INSC: variants seen among roughly 807,000 people sequenced by gnomAD.
INSC encodes protein inscuteable homolog.
INSC carries 67 observed loss-of-function variants against 58.6 expected under a neutral mutation model. That is an observed-to-expected ratio of 1.14 (90% confidence interval 0.94 to 1.40). INSC has a LOEUF of 1.40. Ranked by LOEUF, INSC falls within the 40% of genes most tolerant of loss-of-function variation. The pLI, the probability that INSC is intolerant of heterozygous loss-of-function variation, is 0.00. For synonymous variants in INSC, 262 were observed against 276.1 expected, an observed-to-expected ratio of 0.95 and a Z score of 0.51; for missense variants, 714 against 692.0, an observed-to-expected ratio of 1.03 and a Z score of -0.36.
intron 9 of INSC, among the ~76,000 whole-genome samples, chr11:15,227,549 G>A (rs114729865): frequency 0.01 from 1,531 of 152,292 alleles, 19 homozygotes; most frequent in African/African-American, 0.035. Context: ...TGTATGATAT[G>A]TATGATTCCA....
At chr11:15,244,786 C>T (rs574560286) in intron 12 of INSC, among the ~76,000 whole-genome samples, 1 of 152,254 alleles carries the variant, frequency 6.6e-6, no homozygotes, top group Admixed American at 6.5e-5. Context: ...TAGATATTCC[C>T]CCACTCTTTT....
intron 5 of INSC, among the ~76,000 whole-genome samples, chr11:15,179,615 G>A (rs1214921937): frequency 3.9e-5 from 6 of 152,064 alleles, no homozygotes; most frequent in Non-Finnish European, 5.9e-5. Context: ...TATCACCCCC[G>A]ACCCCAACAA....
intron 1 of INSC, among the ~76,000 whole-genome samples, chr11:15,138,502 G>A (rs1219744225): frequency 6.6e-6 from 1 of 152,244 alleles, no homozygotes; most frequent in Non-Finnish European, 1.5e-5. Context: ...CTGAGCCACA[G>A]CAATCTCTAT....
chr11:15,152,759 A>G (rs755553914), intron 2 of INSC, among the ~76,000 whole-genome samples: 4 of 152,204 alleles, frequency 2.6e-5, no homozygotes, highest in Non-Finnish European at 5.9e-5. Flanking sequence ...AGGGCCTGAA[A>G]GCTGAAGGCT....
chr11:15,229,769 A>G (rs1271645574), intron 9 of INSC, among the ~76,000 whole-genome samples: 4 of 150,662 alleles, frequency 2.7e-5, no homozygotes, highest in African/African-American at 9.8e-5. Flanking sequence ...GTATTGGTCT[A>G]TTCTCACATT....
At chr11:15,207,571 G>T (rs1053442145) in intron 7 of INSC, among the ~76,000 whole-genome samples, 23 of 152,196 alleles carry the variant, frequency 1.5e-4, no homozygotes, top group African/African-American at 5.3e-4. Flanking sequence ...GGCTGGAAGA[G>T]AGATGAAGAC....
chr11:15,239,359 A>G (rs918065824), intron 11 of INSC, among the ~76,000 whole-genome samples: 5 of 152,162 alleles, frequency 3.3e-5, no homozygotes, highest in Non-Finnish European at 7.3e-5. Context: ...TCACTCATTC[A>G]TTTATTCACT....
intron 12 of INSC, among the ~76,000 whole-genome samples, chr11:15,244,288 G>T (rs1193118540): frequency 6.6e-6 from 1 of 152,140 alleles, no homozygotes; most frequent in Non-Finnish European, 1.5e-5. Context: ...CACGCCCCAT[G>T]AGAGTCGAGA....
intron 7 of INSC, among the ~76,000 whole-genome samples, chr11:15,214,332 C>T (rs1851134956): frequency 6.6e-6 from 1 of 152,330 alleles, no homozygotes; most frequent in East Asian, 1.9e-4. Context: ...CTAGGTCACT[C>T]TCCTGCTCCT....
At chr11:15,231,154 T>G (rs1394481338) in intron 9 of INSC, among the ~76,000 whole-genome samples, 1 of 152,170 alleles carries the variant, frequency 6.6e-6, no homozygotes, top group African/African-American at 2.4e-5. Flanking sequence ...GAAAAGAAAG[T>G]ATTTTCAAAG....
intron 9 of INSC, among the ~76,000 whole-genome samples, chr11:15,227,090 GA>G (rs1452657934): frequency 4.6e-5 from 7 of 152,234 alleles, no homozygotes; most frequent in Non-Finnish European, 1.0e-4. Context: ...TTATAGATAA[GA>G]ATATTTTGGC....
At chr11:15,220,544 A>G (rs1851398579) in intron 7 of INSC, among the ~76,000 whole-genome samples, 1 of 152,210 alleles carries the variant, frequency 6.6e-6, no homozygotes, top group African/African-American at 2.4e-5. Context: ...ACACCAGACC[A>G]TTTGAGTTTG....
intron 7 of INSC, among the ~76,000 whole-genome samples, chr11:15,203,018 T>A (rs942734897): frequency 6.6e-6 from 1 of 152,248 alleles, no homozygotes; most frequent in Non-Finnish European, 1.5e-5. Context: ...GATAGTCCAC[T>A]ACATATGTCC....
chr11:15,148,366 T>C (rs946194285), intron 1 of INSC, among the ~76,000 whole-genome samples: 9 of 152,222 alleles, frequency 5.9e-5, no homozygotes, highest in African/African-American at 1.7e-4. Context: ...TATGCTAACT[T>C]TGTTCTCCAG....
intron 1 of INSC, among the ~76,000 whole-genome samples, chr11:15,140,846 A>G (rs902486251): frequency 1.3e-5 from 2 of 151,722 alleles, no homozygotes; most frequent in African/African-American, 4.8e-5. Context: ...CGGTCTCTCA[A>G]AGTGCTGGGA....
At position 15,240,516 on chromosome 11, in the gene INSC, C is replaced by A. The variant is rs758021324; in HGVS notation, c.1463C>A (p.Ala488Asp). ...ERNSSDAVLVACLAALRRLAG... is the reference protein window; with the variant it reads ...ERNSSDAVLVDCLAALRRLAG... ...AACAGCAGTGACGCCGTGCTTGTGG[C>A]CTGCCTGGTGAGTTCTCAGTCTTCC... Residue 488 changes from alanine to aspartate, a missense_variant, in exon 12 of 13, where the codon GCC becomes GAC. Coordinates refer to ENST00000379556, the MANE Select transcript of INSC (RefSeq NM_001042536.3). 1.9e-6 allele frequency: 3 copies of A among 1,613,164 alleles called. No homozygotes were observed. The highest frequency in any genetic ancestry group is 1.1e-5 in the South Asian group (1 of 90,772).
chr11:15,164,384 C>G (rs1849123618), intron 2 of INSC, among the ~76,000 whole-genome samples: 1 of 152,124 alleles, frequency 6.6e-6, no homozygotes. Context: ...CTGAGTGTTC[C>G]TATCTCTGCT....
At chr11:15,146,399 A>G (rs1452058094) in intron 1 of INSC, among the ~76,000 whole-genome samples, 2 of 152,212 alleles carry the variant, frequency 1.3e-5, no homozygotes, top group African/African-American at 4.8e-5. Context: ...GCAGCCAATA[A>G]TGACATAGTC....
the INSC span, among the ~76,000 whole-genome samples, chr11:15,254,570 A>G: frequency 2.6e-5 from 4 of 152,186 alleles, no homozygotes; most frequent in Non-Finnish European, 5.9e-5. Context: ...GTTGCCTCAT[A>G]TGTAAAATGG....
Sources: allele counts gnomAD v4.1 joint callset (sites outside exome capture counted in the v4.1 genomes callset), GRCh38; gene constraint gnomAD v4.1.1; transcripts MANE v1.5; gene names NCBI Gene and HGNC (gene_info 2026-07-23, HGNC 2026-07-21).